NAV2: variants seen among roughly 807,000 people sequenced by gnomAD.
NAV2 encodes helicase, APC down-regulated 1.
In NAV2, 54 loss-of-function variants were observed where a neutral mutation model predicts 223.2. The ratio of observed to expected loss-of-function variants is 0.24; its 90% CI spans 0.19 to 0.30. The LOEUF (loss-of-function observed/expected upper bound fraction) is 0.30. Ranked by LOEUF, NAV2 falls within the 10% of genes least tolerant of loss-of-function variation. The probability of loss-of-function intolerance (pLI) is 1.00; values close to 1 mark genes in which losing one functional copy is unlikely to be tolerated. For synonymous variants in NAV2, 1,279 were observed against 1,239.3 expected (o/e 1.03, Z -0.67); for missense variants, 2,806 against 3,147.5 (o/e 0.89, Z 2.60).
At chr11:19,726,270 G>A (rs1317474036) in intron 1 of NAV2, among the ~76,000 whole-genome samples, 2 of 152,146 alleles carry the variant, frequency 1.3e-5, no homozygotes, top group Admixed American at 6.5e-5. Flanking sequence ...AAAAGGAGGG[G>A]CTGAAATGGT....
At chr11:19,681,583 G>A (rs1384981688) in intron 1 of NAV2, among the ~76,000 whole-genome samples, 8 of 152,202 alleles carry the variant, frequency 5.3e-5, no homozygotes, top group African/African-American at 1.9e-4. Context: ...GAGGTGACCA[G>A]TCTGATGGGA....
Position 19,868,251 on chromosome 11 carries a change from G to A in NAV2, c.439-674G>A, listed in dbSNP as rs1344888867. On this transcript the variant is annotated intron_variant, in intron 3 of 37. Coordinates refer to ENST00000349880, the MANE Select transcript of NAV2 (RefSeq NM_145117.5). ...TTTCCTTTAAACCAAAAAACAATTAGCCCTGACAACTGAAGTAAAATTAGC... is the reference window on the plus strand; with the variant it reads ...TTTCCTTTAAACCAAAAAACAATTAACCCTGACAACTGAAGTAAAATTAGC... 2.6e-5 allele frequency among the ~76,000 whole-genome samples: 4 copies of A among 152,238 alleles called. No homozygotes were observed. The South Asian group carries it at 6.2e-4, about 24-fold the overall frequency.
chr11:20,098,264 T>C (rs1430016942), intron 31 of NAV2, among the ~76,000 whole-genome samples: 1 of 152,034 alleles, frequency 6.6e-6, no homozygotes, highest in Non-Finnish European at 1.5e-5. Context: ...CAAAGTTCAC[T>C]GAGGAAAAAA....
intron 11 of NAV2, chr11:20,022,548 T>C (rs2054595875): frequency 1.0e-6 from 1 of 985,458 alleles, no homozygotes; most frequent in African/African-American, 1.7e-5. Context: ...AAATTCTCTC[T>C]GTAGGCTAAT....
chr11:19,349,530 C>T (rs759689387), upstream of NAV2, among the ~76,000 whole-genome samples: 5 of 152,134 alleles, frequency 3.3e-5, no homozygotes, highest in Non-Finnish European at 7.4e-5. Flanking sequence ...CGGATCTGGC[C>T]GCAGCTCTCC....
At chr11:19,598,226 A>C (rs1185901130) in intron 1 of NAV2, among the ~76,000 whole-genome samples, 1 of 152,200 alleles carries the variant, frequency 6.6e-6, no homozygotes, top group Non-Finnish European at 1.5e-5. Context: ...TCTGCAGTCC[A>C]ACAGACCTTT....
chr11:19,641,696 G>C (rs1437878412), intron 1 of NAV2, among the ~76,000 whole-genome samples: 1 of 151,756 alleles, frequency 6.6e-6, no homozygotes, highest in Non-Finnish European at 1.5e-5. Context: ...AGTTCCCGCT[G>C]CTCTTCCTAT....
At chr11:19,956,275 A>T (rs908761815) in intron 10 of NAV2, among the ~76,000 whole-genome samples, 1 of 152,100 alleles carries the variant, frequency 6.6e-6, no homozygotes, top group Non-Finnish European at 1.5e-5. Flanking sequence ...CTATAATTCA[A>T]TTCAATTCGG....
Position 20,045,513 on chromosome 11 carries a change from A to G in NAV2, c.3745A>G (p.Thr1249Ala). The G allele has an allele frequency of 6.2e-7, 1 of 1,614,086 alleles. No homozygotes were observed. Among genetic ancestry groups the G allele is most frequent in the Middle Eastern group, 1.6e-4 (1 of 6,062 alleles). The part of the protein sequence containing the change: ...GSSLPGLVNQ[T>A]DKEKGISSDN... ...CTCTCTACCAGGTCTGGTCAACCAAACAGACAAGGAGAAAGGCATCTCATC... is the reference window on the plus strand; with the variant it reads ...CTCTCTACCAGGTCTGGTCAACCAAGCAGACAAGGAGAAAGGCATCTCATC... Residue 1249 changes from threonine to alanine, a missense_variant, in exon 14 of 38, where the codon ACA becomes GCA. This residue lies in a region of NAV2 where 742 missense variants were observed against 777.9 expected (regional missense o/e 0.95). Coordinates refer to ENST00000349880, the MANE Select transcript of NAV2 (RefSeq NM_145117.5).
At chr11:19,615,458 T>G (rs916819854) in intron 1 of NAV2, among the ~76,000 whole-genome samples, 3 of 152,058 alleles carry the variant, frequency 2.0e-5, no homozygotes, top group Non-Finnish European at 2.9e-5. Flanking sequence ...GCCTCACCAC[T>G]GTTTTGCGTT....
At chr11:20,084,024 TG>T (rs1331635503) in intron 26 of NAV2, among the ~76,000 whole-genome samples, 4 of 152,210 alleles carry the variant, frequency 2.6e-5, no homozygotes, top group African/African-American at 7.2e-5. Flanking sequence ...GCCAGATCTT[TG>T]TAGTATACCA....
At chr11:20,108,989 G>A (rs2062404242) in intron 36 of NAV2, among the ~76,000 whole-genome samples, 1 of 152,222 alleles carries the variant, frequency 6.6e-6, no homozygotes, top group Admixed American at 6.5e-5. Flanking sequence ...TGGACAGTGG[G>A]AGACACAAGA....
chr11:19,618,660 A>G (rs1565105806), intron 1 of NAV2, among the ~76,000 whole-genome samples: 1 of 152,168 alleles, frequency 6.6e-6, no homozygotes, highest in African/African-American at 2.4e-5. Context: ...TAGATTTGAC[A>G]TGCAGATGGG....
At chr11:19,979,669 C>T (rs1289111588) in intron 10 of NAV2, among the ~76,000 whole-genome samples, 1 of 152,132 alleles carries the variant, frequency 6.6e-6, no homozygotes, top group Non-Finnish European at 1.5e-5. Context: ...TGTCTTAGTC[C>T]CTAGTAGGTT....
upstream of NAV2, among the ~76,000 whole-genome samples, chr11:19,712,780 G>A (rs2049962257): frequency 6.6e-6 from 1 of 151,688 alleles, no homozygotes; most frequent in South Asian, 2.1e-4. Context: ...GGACCAATGG[G>A]CGCGCCGGGG....
intron 6 of NAV2, among the ~76,000 whole-genome samples, chr11:19,895,369 G>A (rs930320552): frequency 2.0e-5 from 3 of 152,098 alleles, no homozygotes; most frequent in Non-Finnish European, 2.9e-5. Flanking sequence ...GAGCCACTGC[G>A]CCTGGCCTGA....
chr11:19,713,924 C>G lies in NAV2; in HGVS notation c.229C>G (p.Arg77Gly). Reference protein sequence around the residue: ...QEPAGEGLPLRKSGSVENGFD... With the variant: ...QEPAGEGLPLGKSGSVENGFD... ...GCCAGCGGGGGAGGGGCTCCCGCTG[C>G]GGAAGAGCGGCTCGGTGGAAAACGG... The change falls in exon 1 of 38, where the codon CGG becomes GGG. Residue 77 changes from arginine to glycine, a missense_variant. Physicochemically the swap from Arg to Gly is moderately radical, Grantham distance 125. Coordinates refer to ENST00000349880, the MANE Select transcript of NAV2 (RefSeq NM_145117.5). The surrounding 1 kb of genome is among the most constrained non-coding windows in gnomAD (Gnocchi z 7.2). 1 of 1,613,450 alleles carries G rather than the reference C, an allele frequency of 6.2e-7. No homozygotes were observed. The highest frequency in any genetic ancestry group is 8.5e-7 in the Non-Finnish European group (1 of 1,179,952).
intron 19 of NAV2, among the ~76,000 whole-genome samples, chr11:20,058,126 T>C (rs892504427): frequency 6.6e-6 from 1 of 152,242 alleles, no homozygotes; most frequent in Non-Finnish European, 1.5e-5. Context: ...ATTCCTTTCG[T>C]TGAAATTCCT....
chr11:19,859,872 AC>A (rs1156845903), intron 3 of NAV2, among the ~76,000 whole-genome samples: 1 of 111,664 alleles, frequency 9.0e-6, no homozygotes, highest in African/African-American at 3.6e-5. Context: ...CGGGGGGCTG[AC>A]CCCCCCACCT....
Sources: allele counts gnomAD v4.1 joint callset (sites outside exome capture counted in the v4.1 genomes callset), GRCh38; gene constraint gnomAD v4.1.1; regional missense constraint gnomAD v4.1.1; non-coding constraint Gnocchi (gnomAD v3.1); transcripts MANE v1.5; gene names NCBI Gene and HGNC (gene_info 2026-07-23, HGNC 2026-07-21).